Variants in CFAP47 observed in about 807,000 individuals in gnomAD.
The protein encoded by CFAP47 is cilia and flagella associated protein 47, also known as cilia- and flagella-associated protein 47.
A neutral mutation model predicts 148.1 loss-of-function variants in CFAP47; 29 were observed. The observed-to-expected ratio is 0.20, with a 90% CI of 0.15 to 0.27. The LOEUF is 0.27. Ranked by LOEUF, CFAP47 falls within the 10% of genes least tolerant of loss-of-function variation. CFAP47 has a pLI of 1.00. For missense variants in CFAP47, 1,872 were observed against 1,697.5 expected, an observed-to-expected ratio of 1.10 and a Z score of -1.81; for synonymous variants, 664 against 577.3, an observed-to-expected ratio of 1.15 and a Z score of -2.15.
chrX:36,052,490 T>G (rs1937524075), intron 26 of CFAP47, among the ~76,000 whole-genome samples: 1 of 111,717 alleles, frequency 9.0e-6, no homozygotes, highest in African/African-American at 3.3e-5. Context: ...GAGGTTTTAA[T>G]TAATCAATAC....
intron 48 of CFAP47, among the ~76,000 whole-genome samples, chrX:36,246,664 A>G (rs782280396): frequency 2.8e-4 from 31 of 111,374 alleles, no homozygotes; most frequent in Non-Finnish European, 4.9e-4. Flanking sequence ...CGTGGGGATT[A>G]TGGGGATTAT....
In CFAP47 at chrX:36,138,073, GC is replaced by G; in HGVS notation, c.5418+19del. 1 of 512,440 alleles carries G rather than the reference GC, an allele frequency of 2.0e-6. No homozygotes were observed. The highest frequency in any genetic ancestry group is 3.2e-6 in the Non-Finnish European group (1 of 309,429). 42.2% of individuals were successfully genotyped at this position (512,440 alleles called of 1,213,427 possible). A position where few individuals can be genotyped will look rare whatever the true frequency, so the allele number is the denominator to read the frequency against. On this transcript the variant is annotated intron_variant, in intron 34 of 63. Transcript: ENST00000378653. ...CATTCTTGGTAAGAGTCGTTTTTAT[GC>G]ATAATGATCTTCTATTATTTAAAAA...
intron 35 of CFAP47, among the ~76,000 whole-genome samples, chrX:36,139,488 GCAA>G (rs1376982064): frequency 5.4e-5 from 6 of 111,523 alleles, no homozygotes; most frequent in Admixed American, 9.6e-5. Flanking sequence ...CTTTACTCTT[GCAA>G]CAACAATTGT....
intron 53 of CFAP47, among the ~76,000 whole-genome samples, chrX:36,303,371 G>T (rs1556008166): frequency 9.0e-6 from 1 of 110,748 alleles, no homozygotes; most frequent in Non-Finnish European, 1.9e-5. Context: ...TTTTTGTAGA[G>T]ACAGGTTCTT....
At chrX:36,296,970 T>C (rs1214380635) in intron 51 of CFAP47, among the ~76,000 whole-genome samples, 1 of 111,833 alleles carries the variant, frequency 8.9e-6, no homozygotes, top group Non-Finnish European at 1.9e-5. Flanking sequence ...TCTTTATAAT[T>C]ATAAGCGTTG....
Position 36,159,592 on chromosome X carries a change from C to G in CFAP47, c.5937+16C>G. The G allele has an allele frequency of 3.4e-6, 1 of 296,205 alleles. No homozygotes were observed. The highest frequency in any genetic ancestry group is 4.8e-5 in the East Asian group (1 of 20,947). 24.4% of individuals were successfully genotyped at this position (296,205 alleles called of 1,213,427 possible). On this transcript the variant is annotated intron_variant, in intron 38 of 63. Transcript: ENST00000378653. ...TAAAGCCATTGTAAGTAAATTTTACCTACGATGTCTTTGCTTCTCTTATCA... is the reference window on the plus strand; with the variant it reads ...TAAAGCCATTGTAAGTAAATTTTACGTACGATGTCTTTGCTTCTCTTATCA...
At chrX:36,303,506 C>T (rs1556008192) in intron 53 of CFAP47, among the ~76,000 whole-genome samples, 1 of 109,825 alleles carries the variant, frequency 9.1e-6, no homozygotes, top group African/African-American at 3.3e-5. Context: ...CTTCTGCTTG[C>T]CAGCAACGTT....
intron 2 of CFAP47, among the ~76,000 whole-genome samples, chrX:35,940,105 G>T (rs1344551747): frequency 1.8e-5 from 2 of 111,063 alleles, no homozygotes; most frequent in Non-Finnish European, 3.8e-5. Context: ...TTTGAGAAGT[G>T]TCTGTTCATG....
chrX:36,288,931 G>C (rs1407365027), intron 51 of CFAP47, among the ~76,000 whole-genome samples: 2 of 97,676 alleles, frequency 2.0e-5, no homozygotes, highest in African/African-American at 7.5e-5. Context: ...AAAGTTTTTA[G>C]TTTTAGCCTC....
intron 56 of CFAP47, among the ~76,000 whole-genome samples, chrX:36,312,110 G>A (rs1941398402): frequency 9.0e-6 from 1 of 110,694 alleles, no homozygotes; most frequent in East Asian, 2.8e-4. Flanking sequence ...GGTTGAACAG[G>A]AGTTAAAGAT....
At chrX:36,312,255 T>C (rs1331253479) in intron 56 of CFAP47, among the ~76,000 whole-genome samples, 4 of 110,412 alleles carry the variant, frequency 3.6e-5, no homozygotes, top group African/African-American at 1.3e-4. Flanking sequence ...TGGGTGTCAA[T>C]AAATTGGTAG....
At chrX:35,936,205 T>A (rs914157097) in intron 2 of CFAP47, among the ~76,000 whole-genome samples, 4 of 111,982 alleles carry the variant, frequency 3.6e-5, no homozygotes, top group African/African-American at 1.3e-4. Context: ...TTTTTTCTCT[T>A]TCTCTCTCAG....
At chrX:36,145,056 C>G in intron 35 of CFAP47, 163 bp from the exon 36 acceptor site, 1 of 388,689 alleles carries the variant, frequency 2.6e-6, no homozygotes. Flanking sequence ...CTAATAAATT[C>G]CCGTTTATAT....
intron 39 of CFAP47, among the ~76,000 whole-genome samples, chrX:36,171,934 G>C (rs1939586379): frequency 9.2e-6 from 1 of 109,259 alleles, no homozygotes; most frequent in Non-Finnish European, 1.9e-5. Flanking sequence ...CCATGAGCAT[G>C]GAATGTTCTT....
chrX:36,010,295 T>C (rs1397142394), intron 21 of CFAP47, among the ~76,000 whole-genome samples: 5 of 111,185 alleles, frequency 4.5e-5, no homozygotes, highest in Non-Finnish European at 7.5e-5. Context: ...TAATTTATAA[T>C]TTTATTTTCA....
chrX:36,369,973 A>C (rs1371006854), intron 62 of CFAP47, among the ~76,000 whole-genome samples: 1 of 111,557 alleles, frequency 9.0e-6, no homozygotes, highest in Non-Finnish European at 1.9e-5. Context: ...TAAGTCAAAA[A>C]ATTTTGTCCA....
chrX:36,117,201 G>A (rs1464607504), intron 33 of CFAP47, among the ~76,000 whole-genome samples: 1 of 112,155 alleles, frequency 8.9e-6, no homozygotes, highest in African/African-American at 3.2e-5. Context: ...TGCGAACAGA[G>A]CTAAAACACA....
chrX:36,314,998 G>A (rs1245531888), intron 56 of CFAP47, among the ~76,000 whole-genome samples: 3 of 111,696 alleles, frequency 2.7e-5, no homozygotes, highest in Non-Finnish European at 5.6e-5. Context: ...ATGACCACAG[G>A]TAGCAGAAAA....
At chrX:36,308,904 T>C (rs919710709) in intron 55 of CFAP47, among the ~76,000 whole-genome samples, 1 of 111,433 alleles carries the variant, frequency 9.0e-6, no homozygotes, top group Admixed American at 9.5e-5. Context: ...TCAGTTATGA[T>C]TAGGGTTTGG....
Sources: allele counts gnomAD v4.1 joint callset (sites outside exome capture counted in the v4.1 genomes callset), GRCh38; gene constraint gnomAD v4.1.1; transcripts MANE v1.5; gene names NCBI Gene and HGNC (gene_info 2026-07-23, HGNC 2026-07-21).